The following MUC5B variants were observed in gnomAD, a reference collection of about 807,000 sequenced individuals.
MUC5B encodes mucin 5B, oligomeric mucus/gel-forming, also known as mucin-5B.
A neutral mutation model predicts 376.9 loss-of-function variants in MUC5B; 116 were observed. The ratio of observed to expected loss-of-function variants is 0.31; its 90% CI spans 0.26 to 0.36. The LOEUF (loss-of-function observed/expected upper bound fraction) is 0.36. Ranked by LOEUF, MUC5B falls within the 10% of genes least tolerant of loss-of-function variation. The pLI is 1.00. For synonymous variants in MUC5B, 3,517 were observed against 3,390.9 expected, an observed-to-expected ratio of 1.04 and a Z score of -1.29; for missense variants, 7,165 against 7,769.9, an observed-to-expected ratio of 0.92 and a Z score of 2.93.
intron 1 of MUC5B, 25 bp downstream of exon 1, chr11:1,223,218 T>A (rs1861798218): frequency 1.4e-6 from 1 of 708,802 alleles, no homozygotes; most frequent in Non-Finnish European, 2.6e-6. Context: ...CTCCGCCCCC[T>A]CTCGATGCTG....
At position 1,250,989 on chromosome 11, in the gene MUC5B, A is replaced by G; in HGVS notation, c.14109A>G (p.Thr4703=). The G allele has an allele frequency of 6.2e-7, 1 of 1,604,944 alleles. No homozygotes were observed. The highest frequency in any genetic ancestry group is 1.4e-5 in the African/African-American group (1 of 72,952). Residue 4703 remains threonine, a synonymous_variant, in exon 31 of 49, where the codon ACA becomes ACG. Coordinates refer to ENST00000529681, the MANE Select transcript of MUC5B (RefSeq NM_002458.3). Reference sequence around the variant, plus strand: ...ACCCCTCCTCAACTCCAGGGACAACACCCATCACCCCAGTGCTGACCAGCA... The same window carrying G: ...ACCCCTCCTCAACTCCAGGGACAACGCCCATCACCCCAGTGCTGACCAGCA... ...TTNPSSTPGT[T]PITPVLTSTA...
Position 1,257,330 on chromosome 11 carries a change from G to A in MUC5B, c.16269+59G>A, listed in dbSNP as rs1307875963. The A allele has an allele frequency of 1.3e-6, 1 of 799,132 alleles. No homozygotes were observed. Among genetic ancestry groups the A allele is most frequent in the Non-Finnish European group, 2.3e-6 (1 of 437,380 alleles). The allele number at this position is 799,132 out of a possible 1,614,324, so 49.5% of individuals were successfully genotyped here. On this transcript the variant is annotated intron_variant, in intron 40 of 48. Transcript: ENST00000529681. The surrounding 1 kb of genome is among the most constrained non-coding windows in gnomAD (Gnocchi z 8.9). ...CCCTCTCGCGAGCTGAGGGAGGGAG[G>A]GAAGGAGCATCCCCATCCCACAGGG...
At position 1,261,525 on chromosome 11, in the gene MUC5B, G is replaced by C; in HGVS notation, c.17206G>C (p.Gly5736Arg). The change falls in exon 49 of 49, where the codon GGC becomes CGC. Residue 5736 changes from glycine (G) to arginine (R), a missense_variant. Around this residue, in one of 31 missense-constraint regions of MUC5B, gnomAD observed 842 missense variants for 1,016.9 expected, o/e 0.83. Transcript: ENST00000529681. ...CACCTACACCCACGTGGATGAGTGT[G>C]GCTGCACGCCCTTCTGTGTCCCTGC... ...LHTYTHVDEC[G>R]CTPFCVPAPM... The C allele has an allele frequency of 1.2e-6, 2 of 1,607,098 alleles. No homozygotes were observed. The highest frequency in any genetic ancestry group is 8.5e-7 in the Non-Finnish European group (1 of 1,177,730).
chr11:1,260,963 C>T (rs1055788655), intron 48 of MUC5B, among the ~76,000 whole-genome samples: 7 of 152,182 alleles, frequency 4.6e-5, no homozygotes, highest in African/African-American at 1.7e-4. Context: ...ACAGAGCTCC[C>T]CGCTGCGAAC....
rs1862248117 is a variant in MUC5B, at chr11:1,240,228, TACA to T, written c.3827_3829del (p.Asn1276del). The T allele has an allele frequency of 6.2e-7, 1 of 1,613,348 alleles. No individual in the cohort carries two copies. Among genetic ancestry groups the T allele is most frequent in the South Asian group, 1.1e-5 (1 of 91,044 alleles). ...GACCTACAGCTACCAGGACGTCATC[TACA>T]ACACCACCGATGGGCTTGGCGCCTG... is the stretch of plus-strand genomic sequence containing the variant. On this transcript the variant is annotated inframe_deletion, in exon 30 of 49. Coordinates refer to ENST00000529681, the MANE Select transcript of MUC5B (RefSeq NM_002458.3).
chr11:1,240,413 C>A, intron 30 of MUC5B, 38 bp downstream of exon 30: 1 of 1,532,296 alleles, frequency 6.5e-7, no homozygotes, highest in Non-Finnish European at 8.8e-7. Context: ...CCAGTACCGT[C>A]TGGGTGACAA....
In MUC5B at chr11:1,251,405, C is replaced by G. The variant is rs760476832; in HGVS notation, c.14525C>G (p.Pro4842Arg). The change falls in exon 31 of 49, where the codon CCA becomes CGA. Residue 4842 changes from proline (P) to arginine (R), a missense_variant. By Grantham distance (103) the Pro-to-Arg change is moderately radical. Around this residue, in one of 31 missense-constraint regions of MUC5B, gnomAD observed 730 missense variants for 592.7 expected, o/e 1.23. Transcript: ENST00000529681. The stretch of plus-strand genomic sequence containing the variant: ...TCCACGGCCACCCTGTCCTCCACCC[C>G]AGGGACCACCTGGATCCTCACAGAG... ...TGSTATLSST[P>R]GTTWILTEPS... 3 of 1,612,550 alleles carry G rather than the reference C, an allele frequency of 1.9e-6. No homozygotes were observed. In the East Asian group the frequency reaches 6.7e-5, roughly 36 times the overall value.
chr11:1,223,999 G>C (rs1367646420), intron 1 of MUC5B, among the ~76,000 whole-genome samples: 6 of 152,272 alleles, frequency 3.9e-5, no homozygotes, highest in Non-Finnish European at 7.3e-5. Flanking sequence ...AAGGGAGGCT[G>C]GGTGGTCAGC....
In MUC5B at chr11:1,254,088, G is replaced by A. The variant is rs117860519; in HGVS notation, c.15218-4G>A. 47,889 of 1,610,218 alleles carry A rather than the reference G, an allele frequency of 0.03. 902 individuals are homozygous for A. Among genetic ancestry groups the A allele is most frequent in the Non-Finnish European group, 0.033 (38,506 of 1,179,338 alleles). Reference sequence around the variant, plus strand: ...CTGCCAGCCCGTCCATCTCTGTCCCGCAGGCATCTGCAGCATGTGGGGCGG... The same window carrying A: ...CTGCCAGCCCGTCCATCTCTGTCCCACAGGCATCTGCAGCATGTGGGGCGG... On this transcript the variant is annotated splice_region_variant and splice_polypyrimidine_tract_variant and intron_variant, in intron 33 of 48. Coordinates refer to ENST00000529681, the MANE Select transcript of MUC5B (RefSeq NM_002458.3).
rs761995143 is a variant in MUC5B, at chr11:1,254,115, T to C, written c.15241T>C (p.Ser5081Pro). The change falls in exon 34 of 49, where the codon TCC becomes CCC. Residue 5081 changes from serine to proline, a missense_variant. By Grantham distance (74) the Ser-to-Pro change is moderately conservative (BLOSUM62 -1). Coordinates refer to ENST00000529681, the MANE Select transcript of MUC5B (RefSeq NM_002458.3). The part of the protein sequence containing the change: ...CECICSMWGG[S>P]HYSTFDGTSY... Reference sequence around the variant, plus strand: ...AGGCATCTGCAGCATGTGGGGCGGCTCCCACTATTCCACCTTTGACGGCAC... The same window carrying C: ...AGGCATCTGCAGCATGTGGGGCGGCCCCCACTATTCCACCTTTGACGGCAC... 2 of 1,612,266 alleles carry C rather than the reference T, an allele frequency of 1.2e-6. No individual in the cohort carries two copies. Among genetic ancestry groups the C allele is most frequent in the East Asian group, 4.5e-5 (2 of 44,874 alleles).
chr11:1,234,361 C>A lies in MUC5B; in HGVS notation c.2478+56C>A. 2 of 1,525,438 alleles carry A rather than the reference C, an allele frequency of 1.3e-6. No homozygotes were observed. The highest frequency in any genetic ancestry group is 1.8e-6 in the Non-Finnish European group (2 of 1,122,732). 94.5% of individuals were successfully genotyped at this position (1,525,438 alleles called of 1,614,324 possible). On this transcript the variant is annotated intron_variant, in intron 20 of 48. Transcript: ENST00000529681. The surrounding 1 kb of genome is among the most constrained non-coding windows in gnomAD (Gnocchi z 6.3). ...AGGGAAGGGGTCCCAGCTTTCCCAG[C>A]TCCCGAGCCCAGGGATCTGGTGGTC...
intron 25 of MUC5B, among the ~76,000 whole-genome samples, chr11:1,238,398 G>T (rs572199324): frequency 6.6e-6 from 1 of 152,202 alleles, no homozygotes; most frequent in Non-Finnish European, 1.5e-5. Context: ...CTGGCCGGGG[G>T]TTGGTTCCGC....
At position 1,249,733 on chromosome 11, in the gene MUC5B, C is replaced by G; in HGVS notation, c.12853C>G (p.Pro4285Ala). Residue 4285 changes from proline (P) to alanine (A), a missense_variant, in exon 31 of 49, where the codon CCG becomes GCG. By Grantham distance (27) the Pro-to-Ala change is conservative (BLOSUM62 -1). Around this residue, in one of 31 missense-constraint regions of MUC5B, gnomAD observed 431 missense variants for 390.4 expected, o/e 1.10. Transcript: ENST00000529681. ...TAPPPKVLTSPATTPTATSSK... is the reference protein window; with the variant it reads ...TAPPPKVLTSAATTPTATSSK... The stretch of plus-strand genomic sequence containing the variant: ...TCCCCCTCCCAAAGTGCTGACCAGC[C>G]CGGCCACCACACCCACAGCCACCAG... 1.3e-6 allele frequency: 2 copies of G among 1,588,354 alleles called. No individual in the cohort carries two copies. The highest frequency in any genetic ancestry group is 1.7e-6 in the Non-Finnish European group (2 of 1,160,090).
chr11:1,224,374 T>C (rs1423249175), intron 1 of MUC5B, among the ~76,000 whole-genome samples: 1 of 151,028 alleles, frequency 6.6e-6, no homozygotes, highest in Non-Finnish European at 1.5e-5. Flanking sequence ...CTTCTCTGGC[T>C]ACAAGATGGA....
At position 1,256,413 on chromosome 11, in the gene MUC5B, G is replaced by A. The variant is rs573639086; in HGVS notation, c.16136+188G>A. ...TTAGAGACAGAGTCAGGCAGGGGGC[G>A]CATCCCTGGCCACGCCTGGCCCCGC... On this transcript the variant is annotated intron_variant, in intron 38 of 48. Transcript: ENST00000529681. Among the ~76,000 whole-genome samples the A allele has an allele frequency of 3.9e-3, 588 of 151,898 alleles. 3 individuals are homozygous for A. The highest frequency in any genetic ancestry group is 0.013 in the African/African-American group (544 of 41,420).
Position 1,260,061 on chromosome 11 carries a change from C to A in MUC5B, c.16899C>A (p.Ser5633=), listed in dbSNP as rs1169141637. Residue 5633 remains serine, a synonymous_variant, in exon 46 of 49, where the codon TCC becomes TCA. Coordinates refer to ENST00000529681, the MANE Select transcript of MUC5B (RefSeq NM_002458.3). The part of the protein sequence containing the change: ...GVHLLTPQPA[S]CPDVSSCRGS... ...ATTTGCTGACCCCACAGCCTGCATCCTGCCCAGATGTGTCCAGCTGCAGGG... is the reference window on the plus strand; with the variant it reads ...ATTTGCTGACCCCACAGCCTGCATCATGCCCAGATGTGTCCAGCTGCAGGG... The A allele has an allele frequency of 5.0e-6, 8 of 1,612,558 alleles. No individual in the cohort carries two copies. Among genetic ancestry groups the A allele is most frequent in the Non-Finnish European group, 6.8e-6 (8 of 1,179,760 alleles).
rs1862243909 is a variant in MUC5B, at chr11:1,240,076, C to T, written c.3760C>T (p.His1254Tyr). 6.4e-7 allele frequency: 1 copy of T among 1,567,580 alleles called. No individual in the cohort carries two copies. The highest frequency in any genetic ancestry group is 1.2e-5 in the South Asian group (1 of 83,120). Residue 1254 changes from histidine to tyrosine, a missense_variant, in exon 29 of 49, where the codon CAC becomes TAC. By Grantham distance (83) the His-to-Tyr change is moderately conservative. Coordinates refer to ENST00000529681, the MANE Select transcript of MUC5B (RefSeq NM_002458.3). ...NCTPSGIQCA[H>Y]SLEACTCTYE... Reference sequence around the variant, plus strand: ...CACACCCAGTGGCATCCAGTGCGCTCACAGCCTTGAGGGTAAGGAAGGGCC... The same window carrying T: ...CACACCCAGTGGCATCCAGTGCGCTTACAGCCTTGAGGGTAAGGAAGGGCC...
chr11:1,256,037 G>T, intron 37 of MUC5B, 119 bp from the exon 38 acceptor site: 1 of 572,638 alleles, frequency 1.7e-6, no homozygotes, highest in Non-Finnish European at 3.1e-6. Context: ...TGCGGTGAGT[G>T]GGGGCGGCCC....
At chr11:1,231,315 C>A in intron 13 of MUC5B, 108 bp from the exon 14 acceptor site, 1 of 1,342,348 alleles carries the variant, frequency 7.4e-7, no homozygotes, top group Non-Finnish European at 1.0e-6. Context: ...CTGGGTCTCA[C>A]TCCCGGGTCT....
Sources: gnomAD v4.1 joint callset for allele counts (sites outside exome capture counted in the v4.1 genomes callset) on GRCh38, gnomAD v4.1.1 for gene constraint, gnomAD v4.1.1 regional missense constraint, Gnocchi (gnomAD v3.1) non-coding constraint, MANE v1.5 for transcripts, NCBI Gene and HGNC (gene_info 2026-07-23, HGNC 2026-07-21) for gene names.